The following SLC18A3 variants were observed in gnomAD, a reference collection of about 807,000 sequenced individuals.
SLC18A3 encodes the protein solute carrier family 18 member A3, also known as vesicular acetylcholine transporter.
Under a neutral mutation model 24.2 loss-of-function variants are expected in SLC18A3, and 18 were observed. That is an observed-to-expected ratio of 0.74 (90% CI 0.51 to 1.10). SLC18A3 has a LOEUF of 1.10. Among genes scored for constraint, SLC18A3 ranks in the 50% least tolerant of loss-of-function variants. The pLI, the probability that SLC18A3 is intolerant of heterozygous loss-of-function variation, is 0.00. For missense variants in SLC18A3, 744 were observed against 750.7 expected (o/e 0.99, Z 0.10); for synonymous variants, 415 against 355.4 (o/e 1.17, Z -1.89).
chr10:49,610,397 C>T lies in SLC18A3; in HGVS notation c.-344C>T. On this transcript the variant is annotated 5_prime_UTR_variant, in exon 1 of 1. Transcript: ENST00000374115. ...CGGCAACAGCATGTCCCTCGGCCAG[C>T]GCGGGCGGCCTCTTAGCGCGGCGGG... The T allele has an allele frequency of 7.5e-6, 2 of 266,004 alleles. No homozygotes were observed. The highest frequency in any genetic ancestry group is 6.4e-5 in the East Asian group (1 of 15,524). The allele number at this position is 266,004 out of a possible 1,614,324, so 16.5% of individuals were successfully genotyped here.
Position 49,610,581 on chromosome 10 carries a change from C to A in SLC18A3, c.-160C>A. 1.6e-6 allele frequency: 1 copy of A among 633,420 alleles called. No homozygotes were observed. The highest frequency in any genetic ancestry group is 2.5e-6 in the Non-Finnish European group (1 of 404,958). 39.2% of individuals were successfully genotyped at this position (633,420 alleles called of 1,614,324 possible). On this transcript the variant is annotated 5_prime_UTR_variant, in exon 1 of 1. Coordinates refer to ENST00000374115, the MANE Select transcript of SLC18A3 (RefSeq NM_003055.3). ...TCGCCGGACGGAGTCCTTTCCTTTC[C>A]CGGGACGCTGGGCCATGAGCTCCGC...
rs904515466 is a variant in SLC18A3, at chr10:49,610,627, A to G, written c.-114A>G. On this transcript the variant is annotated 5_prime_UTR_variant, in exon 1 of 1. Transcript: ENST00000374115. ...TCCGCGGCCACCTGAGGCACAGGGG[A>G]GTCTGCTCGGCCAGGACAGCCTCCC... 4 of 1,057,154 alleles carry G rather than the reference A, an allele frequency of 3.8e-6. No individual in the cohort carries two copies. The highest frequency in any genetic ancestry group is 5.2e-6 in the Non-Finnish European group (4 of 772,456). 65.5% of individuals were successfully genotyped at this position (1,057,154 alleles called of 1,614,324 possible).
Position 49,610,940 on chromosome 10 carries a change from G to T in SLC18A3, c.200G>T (p.Gly67Val). 1 of 1,610,596 alleles carries T rather than the reference G, an allele frequency of 6.2e-7. No homozygotes were observed. Among genetic ancestry groups the T allele is most frequent in the Non-Finnish European group, 8.5e-7 (1 of 1,177,890 alleles). The change falls in exon 1 of 1, where the codon GGC (glycine) becomes GTC (valine). Residue 67 changes from glycine to valine, a missense_variant. By Grantham distance (109) the Gly-to-Val change is moderately radical (BLOSUM62 -3). Coordinates refer to ENST00000374115, the MANE Select transcript of SLC18A3 (RefSeq NM_003055.3). ...GACTACATCGCCCACATGCGCGGGGGCGGCGAGGGCCCCACCCGGACTCCC... is the reference window on the plus strand; with the variant it reads ...GACTACATCGCCCACATGCGCGGGGTCGGCGAGGGCCCCACCCGGACTCCC... ...VPDYIAHMRGGGEGPTRTPEV... is the reference protein window; with the variant it reads ...VPDYIAHMRGVGEGPTRTPEV...
chr10:49,611,668 C>T lies in SLC18A3; in HGVS notation c.928C>T (p.Pro310Ser). The T allele has an allele frequency of 6.2e-7, 1 of 1,611,496 alleles. No individual in the cohort carries two copies. Among genetic ancestry groups the T allele is most frequent in the African/African-American group, 1.3e-5 (1 of 75,052 alleles). ...TCNIPLAFLE[P>S]TIATWMKHTM... Reference sequence around the variant, plus strand: ...TAACATTCCCCTCGCCTTCCTCGAACCCACCATTGCCACGTGGATGAAGCA... The same window carrying T: ...TAACATTCCCCTCGCCTTCCTCGAATCCACCATTGCCACGTGGATGAAGCA... The change falls in exon 1 of 1, where the codon CCC (proline) becomes TCC (serine). Residue 310 changes from proline to serine, a missense_variant. Physicochemically the swap from Pro to Ser is moderately conservative, Grantham distance 74 (BLOSUM62 -1). Coordinates refer to ENST00000374115, the MANE Select transcript of SLC18A3 (RefSeq NM_003055.3).
Position 49,611,781 on chromosome 10 carries a change from C to T in SLC18A3, c.1041C>T (p.Arg347=). 6.2e-7 allele frequency: 1 copy of T among 1,603,014 alleles called. No individual in the cohort carries two copies. ...TGCTGGGCGTCTACCTCACCGTGCG[C>T]CTGGCGGCGCGCTACCCACACCTGC... ...PHVLGVYLTV[R]LAARYPHLQW... Residue 347 remains arginine, a synonymous_variant, in exon 1 of 1, where the codon CGC becomes CGT. Coordinates refer to ENST00000374115, the MANE Select transcript of SLC18A3 (RefSeq NM_003055.3).
chr10:49,611,354 C>T lies in SLC18A3; in HGVS notation c.614C>T (p.Pro205Leu), dbSNP rs1007821771. ...SGIAMIADKY[P>L]EEPERSRALG... ...ATAGCCATGATCGCCGATAAGTACC[C>T]GGAGGAGCCGGAGCGCAGTCGTGCA... The change falls in exon 1 of 1, where the codon CCG becomes CTG. Residue 205 changes from proline (P) to leucine (L), a missense_variant. Pro to Leu is a moderately conservative substitution (Grantham distance 98). This residue lies in a region of SLC18A3 where 566 missense variants were observed against 566.2 expected (regional missense o/e 1.00). Coordinates refer to ENST00000374115, the MANE Select transcript of SLC18A3 (RefSeq NM_003055.3). 4.4e-6 allele frequency: 7 copies of T among 1,600,662 alleles called. No individual in the cohort carries two copies. The highest frequency in any genetic ancestry group is 4.2e-6 in the Non-Finnish European group (5 of 1,179,772).
Position 49,610,933 on chromosome 10 carries a change from C to G in SLC18A3, c.193C>G (p.Arg65Gly), listed in dbSNP as rs775674834. The change falls in exon 1 of 1, where the codon CGC (arginine) becomes GGC (glycine). Residue 65 changes from arginine to glycine, a missense_variant. By Grantham distance (125) the Arg-to-Gly change is moderately radical. Coordinates refer to ENST00000374115, the MANE Select transcript of SLC18A3 (RefSeq NM_003055.3). ...PIVPDYIAHM[R>G]GGGEGPTRTP... ...AGTGCCCGACTACATCGCCCACATG[C>G]GCGGGGGCGGCGAGGGCCCCACCCG... is the stretch of plus-strand genomic sequence containing the variant. 4 of 1,610,702 alleles carry G rather than the reference C, an allele frequency of 2.5e-6. No individual in the cohort carries two copies. In the Admixed American group the frequency reaches 5.0e-5, roughly 20 times the overall value.
rs775218452 is a variant in SLC18A3, at chr10:49,610,982, C to T, written c.242C>T (p.Thr81Ile). The T allele has an allele frequency of 3.2e-5, 52 of 1,611,816 alleles. No individual in the cohort carries two copies. The highest frequency in any genetic ancestry group is 7.7e-5 in the South Asian group (7 of 90,942). Residue 81 changes from threonine (T) to isoleucine (I), a missense_variant, in exon 1 of 1, where the codon ACC (threonine) becomes ATC (isoleucine). This residue lies in a region of SLC18A3 where 566 missense variants were observed against 566.2 expected (regional missense o/e 1.00). Transcript: ENST00000374115. Reference protein sequence around the residue: ...PTRTPEVWEPTLPLPTPANAS... With the variant: ...PTRTPEVWEPILPLPTPANAS... ...CGGACTCCCGAGGTGTGGGAGCCCA[C>T]CCTGCCGCTGCCCACTCCGGCCAAT...
At position 49,611,475 on chromosome 10, in the gene SLC18A3, C is replaced by T; in HGVS notation, c.735C>T (p.Phe245=). The T allele has an allele frequency of 6.3e-7, 1 of 1,599,548 alleles. No homozygotes were observed. The highest frequency in any genetic ancestry group is 8.5e-7 in the Non-Finnish European group (1 of 1,179,746). The change falls in exon 1 of 1, where the codon TTC becomes TTT. Residue 245 remains phenylalanine (F), a synonymous_variant. Coordinates refer to ENST00000374115, the MANE Select transcript of SLC18A3 (RefSeq NM_003055.3). ...AGTTCGCCGGCAAGCGCGTGCCCTT[C>T]TTGGTGCTAGCTGCCGTGTCGCTCT... ...LYEFAGKRVP[F]LVLAAVSLFD... is the part of the protein sequence containing the mutation.
rs139732053 is a variant in SLC18A3, at chr10:49,611,521, G to C, written c.781G>C (p.Ala261Pro). 412 of 1,601,946 alleles carry C rather than the reference G, an allele frequency of 2.6e-4. No homozygotes were observed. Among genetic ancestry groups the C allele is most frequent in the Middle Eastern group, 2.0e-3 (12 of 6,060 alleles). Residue 261 changes from alanine to proline, a missense_variant, in exon 1 of 1, where the codon GCA becomes CCA. Physicochemically the swap from Ala to Pro is conservative, Grantham distance 27. Around this residue, in one of 3 missense-constraint regions of SLC18A3, gnomAD observed 566 missense variants for 566.2 expected, o/e 1.00. Transcript: ENST00000374115. Reference protein sequence around the residue: ...VSLFDALLLLAVAKPFSAAAR... With the variant: ...VSLFDALLLLPVAKPFSAAAR... ...GCTCTTTGACGCGCTGTTGCTGCTG[G>C]CAGTGGCCAAACCCTTCTCGGCGGC...
In SLC18A3 at chr10:49,612,646, T is replaced by C; in HGVS notation, c.*307T>C. The stretch of plus-strand genomic sequence containing the variant: ...TGCATCTGTCTGTCCTTCCTTCCAT[T>C]GCTCCCAGTGCCAAACTTGGGCCGC... On this transcript the variant is annotated 3_prime_UTR_variant, in exon 1 of 1. Transcript: ENST00000374115. 8.5e-6 allele frequency: 3 copies of C among 351,308 alleles called. No individual in the cohort carries two copies. The highest frequency in any genetic ancestry group is 1.6e-5 in the Non-Finnish European group (3 of 185,242). 21.8% of individuals were successfully genotyped at this position (351,308 alleles called of 1,614,324 possible). A position where few individuals can be genotyped will look rare whatever the true frequency, so the allele number is the denominator to read the frequency against.
Position 49,610,661 on chromosome 10 carries a change from C to G in SLC18A3, c.-80C>G, listed in dbSNP as rs956754475. 89 of 1,372,912 alleles carry G rather than the reference C, an allele frequency of 6.5e-5. No individual in the cohort carries two copies. The highest frequency in any genetic ancestry group is 8.4e-5 in the Non-Finnish European group (88 of 1,051,598). 85.0% of individuals were successfully genotyped at this position (1,372,912 alleles called of 1,614,324 possible). A position where few individuals can be genotyped will look rare whatever the true frequency, so the allele number is the denominator to read the frequency against. On this transcript the variant is annotated 5_prime_UTR_variant, in exon 1 of 1. Coordinates refer to ENST00000374115, the MANE Select transcript of SLC18A3 (RefSeq NM_003055.3). ...GGCCAGGACAGCCTCCCCGAAGTCC[C>G]GTGCCCTCGCCTCTGCACTGCGGGA... is the stretch of plus-strand genomic sequence containing the variant.
Position 49,611,022 on chromosome 10 carries a change from G to C in SLC18A3, c.282G>C (p.Thr94=), listed in dbSNP as rs371337298. 1 of 1,613,734 alleles carries C rather than the reference G, an allele frequency of 6.2e-7. No individual in the cohort carries two copies. Among genetic ancestry groups the C allele is most frequent in the Admixed American group, 1.7e-5 (1 of 59,994 alleles). ...CTCCGGCCAATGCCAGCGCCTACAC[G>C]GCCAACACCTCGGCGTCCCCGACAG... ...LPTPANASAY[T]ANTSASPTAA... is the part of the protein sequence containing the mutation. Residue 94 remains threonine, a synonymous_variant, in exon 1 of 1, where the codon ACG becomes ACC. Coordinates refer to ENST00000374115, the MANE Select transcript of SLC18A3 (RefSeq NM_003055.3).
chr10:49,611,459 G>T lies in SLC18A3; in HGVS notation c.719G>T (p.Gly240Val), dbSNP rs778530384. ...GGGGGCATCCTCTATGAGTTCGCCG[G>T]CAAGCGCGTGCCCTTCTTGGTGCTA... ...PFGGILYEFA[G>V]KRVPFLVLAA... Residue 240 changes from glycine (G) to valine (V), a missense_variant, in exon 1 of 1, where the codon GGC becomes GTC. By Grantham distance (109) the Gly-to-Val change is moderately radical. Transcript: ENST00000374115. 3 of 1,598,130 alleles carry T rather than the reference G, an allele frequency of 1.9e-6. No homozygotes were observed. In the African/African-American group the frequency reaches 4.0e-5, roughly 21 times the overall value.
Position 49,610,644 on chromosome 10 carries a change from C to T in SLC18A3, c.-97C>T. ...CACAGGGGAGTCTGCTCGGCCAGGA[C>T]AGCCTCCCCGAAGTCCCGTGCCCTC... On this transcript the variant is annotated 5_prime_UTR_variant, in exon 1 of 1. Transcript: ENST00000374115. The T allele has an allele frequency of 7.9e-7, 1 of 1,273,558 alleles. No individual in the cohort carries two copies. The highest frequency in any genetic ancestry group is 3.1e-5 in the Admixed American group (1 of 32,448). The allele number at this position is 1,273,558 out of a possible 1,614,324, so 78.9% of individuals were successfully genotyped here. A position where few individuals can be genotyped will look rare whatever the true frequency, so the allele number is the denominator to read the frequency against.
rs1388417636 is a variant in SLC18A3 at position 49,610,789 on chromosome 10, CTGT to C, written c.50_52del (p.Leu17_Ser18delinsPro). On this transcript the variant is annotated inframe_deletion, in exon 1 of 1. Coordinates refer to ENST00000374115, the MANE Select transcript of SLC18A3 (RefSeq NM_003055.3). The stretch of plus-strand genomic sequence containing the variant: ...CCAGGCCCGGGCGGCGGCCACCAAG[CTGT>C]CGGAGGCTGTGGGCGCGGCGCTGCA... 7.0e-6 allele frequency: 11 copies of C among 1,577,680 alleles called. No individual in the cohort carries two copies. The highest frequency in any genetic ancestry group is 8.6e-6 in the Non-Finnish European group (10 of 1,163,452).
Position 49,612,468 on chromosome 10 carries a change from C to T in SLC18A3, c.*129C>T. 1 of 909,802 alleles carries T rather than the reference C, an allele frequency of 1.1e-6. No individual in the cohort carries two copies. 56.4% of individuals were successfully genotyped at this position (909,802 alleles called of 1,614,324 possible). A position where few individuals can be genotyped will look rare whatever the true frequency, so the allele number is the denominator to read the frequency against. On this transcript the variant is annotated 3_prime_UTR_variant, in exon 1 of 1. Coordinates refer to ENST00000374115, the MANE Select transcript of SLC18A3 (RefSeq NM_003055.3). ...TACCCCAGCCACTCCTCAACCTTGACTTCTGCCCAAATCCCCTCCCTGTGA... is the reference window on the plus strand; with the variant it reads ...TACCCCAGCCACTCCTCAACCTTGATTTCTGCCCAAATCCCCTCCCTGTGA...
rs1303338017 is a variant in SLC18A3 at position 49,611,734 on chromosome 10, C to T, written c.994C>T (p.Leu332=). 1.2e-6 allele frequency: 2 copies of T among 1,605,654 alleles called. No homozygotes were observed. The highest frequency in any genetic ancestry group is 1.7e-6 in the Non-Finnish European group (2 of 1,179,948). Reference sequence around the variant, plus strand: ...CGAGTGGGAGATGGGCATGGCCTGGCTGCCGGCCTTCGTGCCTCATGTGCT... The same window carrying T: ...CGAGTGGGAGATGGGCATGGCCTGGTTGCCGGCCTTCGTGCCTCATGTGCT... ...ASEWEMGMAW[L]PAFVPHVLGV... Residue 332 remains leucine, a synonymous_variant, in exon 1 of 1, where the codon CTG becomes TTG. Coordinates refer to ENST00000374115, the MANE Select transcript of SLC18A3 (RefSeq NM_003055.3).
Position 49,610,762 on chromosome 10 carries a change from G to C in SLC18A3, c.22G>C (p.Gly8Arg), listed in dbSNP as rs1276077262. Residue 8 changes from glycine to arginine, a missense_variant, in exon 1 of 1, where the codon GGC becomes CGC. By Grantham distance (125) the Gly-to-Arg change is moderately radical. Coordinates refer to ENST00000374115, the MANE Select transcript of SLC18A3 (RefSeq NM_003055.3). MESAEPA[G>R]QARAAATKLS... The stretch of plus-strand genomic sequence containing the variant: ...GGGCATGGAATCCGCGGAACCTGCG[G>C]GCCAGGCCCGGGCGGCGGCCACCAA... 6.5e-7 allele frequency: 1 copy of C among 1,548,060 alleles called. No homozygotes were observed. The highest frequency in any genetic ancestry group is 1.4e-5 in the African/African-American group (1 of 73,534).
Sources: allele counts gnomAD v4.1 joint callset, GRCh38; gene constraint gnomAD v4.1.1; regional missense constraint gnomAD v4.1.1; transcripts MANE v1.5; gene names NCBI Gene and HGNC (gene_info 2026-07-23, HGNC 2026-07-21).